The following STYK1 variants were observed in gnomAD, a reference collection of about 807,000 sequenced individuals.
STYK1 encodes the protein STY kinase 1, also known as tyrosine-protein kinase STYK1.
In STYK1, 46 loss-of-function variants were observed where a neutral mutation model predicts 48.1. That is an observed-to-expected ratio of 0.96 (90% confidence interval 0.75 to 1.22). The LOEUF (loss-of-function observed/expected upper bound fraction) is 1.22. Ranked by LOEUF, STYK1 falls within the 50% of genes most tolerant of loss-of-function variation. STYK1 has a pLI of 0.00. For synonymous variants in STYK1, 188 were observed against 189.0 expected, an observed-to-expected ratio of 0.99 and a Z score of 0.04; for missense variants, 527 against 521.1, an observed-to-expected ratio of 1.01 and a Z score of -0.11.
chr12:10,623,741 A>G (rs1947325744), intron 8 of STYK1, among the ~76,000 whole-genome samples: 1 of 152,196 alleles, frequency 6.6e-6, no homozygotes, highest in Non-Finnish European at 1.5e-5. Context: ...CTGCAGTCAA[A>G]CAATTTCACA....
At chr12:10,658,291 G>A (rs1024378292) in intron 1 of STYK1, among the ~76,000 whole-genome samples, 4 of 152,038 alleles carry the variant, frequency 2.6e-5, no homozygotes, top group Non-Finnish European at 4.4e-5. Context: ...TTAAGAATTG[G>A]GATTGACATT....
chr12:10,638,446 C>A (rs772425562), intron 1 of STYK1, among the ~76,000 whole-genome samples: 5 of 152,120 alleles, frequency 3.3e-5, no homozygotes, highest in Non-Finnish European at 5.9e-5. Context: ...GAGTAAAGTC[C>A]ATGCTAAATC....
chr12:10,646,907 T>C (rs1947606057), intron 1 of STYK1, among the ~76,000 whole-genome samples: 1 of 152,162 alleles, frequency 6.6e-6, no homozygotes. Context: ...GCAGCTTCCA[T>C]GTGGTGTTGA....
chr12:10,649,344 G>A (rs1350678803), intron 1 of STYK1, among the ~76,000 whole-genome samples: 1 of 152,170 alleles, frequency 6.6e-6, no homozygotes, highest in Non-Finnish European at 1.5e-5. Flanking sequence ...TTCATCAAAA[G>A]GAGGGATGTT....
chr12:10,623,923 A>G (rs1358888012), intron 8 of STYK1, among the ~76,000 whole-genome samples: 1 of 152,170 alleles, frequency 6.6e-6, no homozygotes, highest in African/African-American at 2.4e-5. Flanking sequence ...AAAAAAACAG[A>G]TAATGTACAT....
intron 2 of STYK1, among the ~76,000 whole-genome samples, chr12:10,635,857 T>C (rs1260959240): frequency 6.6e-6 from 1 of 152,208 alleles, no homozygotes; most frequent in Non-Finnish European, 1.5e-5. Flanking sequence ...CACTGTCCCA[T>C]ACCTCTCCTA....
In STYK1 at chr12:10,673,353, A is replaced by G. The variant is rs182022052; in HGVS notation, c.-195+613T>C. On this transcript the variant is annotated intron_variant, in intron 1 of 10. Transcript: ENST00000075503. ...GATCGCGCCATTGCACTCCAGCCTG[A>G]GTGACAGAGCAAGACTCCCTCCCCC... 1.4e-4 allele frequency among the ~76,000 whole-genome samples: 22 copies of G among 152,104 alleles called. No homozygotes were observed. In the South Asian group the frequency reaches 2.3e-3, roughly 16 times the overall value.
intron 1 of STYK1, among the ~76,000 whole-genome samples, chr12:10,665,240 C>T (rs1292652493): frequency 6.6e-6 from 1 of 152,224 alleles, no homozygotes; most frequent in Non-Finnish European, 1.5e-5. Flanking sequence ...GATCACACCT[C>T]CCTGTTACAG....
At chr12:10,631,345 G>A (rs757556967) in intron 4 of STYK1, 37 bp from the exon 5 acceptor site, 31 of 1,598,442 alleles carry the variant, frequency 1.9e-5, no homozygotes, top group South Asian at 6.7e-5. Flanking sequence ...GTTTTTCCCC[G>A]CCCTGGGGAT....
chr12:10,645,794 G>A (rs1269223554), intron 1 of STYK1, among the ~76,000 whole-genome samples: 3 of 152,162 alleles, frequency 2.0e-5, no homozygotes, highest in Non-Finnish European at 4.4e-5. Context: ...ATTCCCATAT[G>A]TTGTGGGAGG....
intron 1 of STYK1, among the ~76,000 whole-genome samples, chr12:10,637,840 A>G (rs1211041606): frequency 6.6e-6 from 1 of 152,072 alleles, no homozygotes; most frequent in African/African-American, 2.4e-5. Context: ...TTGCCTGTCC[A>G]CTCTGTCAAG....
chr12:10,637,423 C>T (rs1947498524), intron 1 of STYK1, among the ~76,000 whole-genome samples: 1 of 151,138 alleles, frequency 6.6e-6, no homozygotes, highest in South Asian at 2.1e-4. Context: ...CTGCAAGCTC[C>T]ACCTCCCAGG....
intron 4 of STYK1, 48 bp from the exon 5 acceptor site, chr12:10,631,356 C>A: frequency 6.3e-7 from 1 of 1,593,858 alleles, no homozygotes; most frequent in South Asian, 1.1e-5. Context: ...CCCTGGGGAT[C>A]CCGGAAAGCA....
At chr12:10,633,292 A>G (rs1242191149) in intron 4 of STYK1, among the ~76,000 whole-genome samples, 2 of 152,330 alleles carry the variant, frequency 1.3e-5, no homozygotes, top group East Asian at 3.9e-4. Context: ...AGTGTGTTCA[A>G]AAGAGAATGT....
intron 1 of STYK1, among the ~76,000 whole-genome samples, chr12:10,640,947 T>C (rs1403494823): frequency 1.3e-5 from 2 of 152,234 alleles, no homozygotes; most frequent in South Asian, 2.1e-4. Context: ...TGAGGTATTA[T>C]ACAAATTCAA....
chr12:10,632,694 G>C (rs1947443257), intron 4 of STYK1, among the ~76,000 whole-genome samples: 1 of 152,210 alleles, frequency 6.6e-6, no homozygotes, highest in Non-Finnish European at 1.5e-5. Context: ...GTGTTGCAGT[G>C]ATCAGTGAGA....
At chr12:10,648,041 TATG>T (rs1947620265) in intron 1 of STYK1, among the ~76,000 whole-genome samples, 1 of 152,158 alleles carries the variant, frequency 6.6e-6, no homozygotes, top group African/African-American at 2.4e-5. Context: ...TCTTAGAGAT[TATG>T]ATGATTATAA....
chr12:10,633,958 G>A (rs746562628), intron 4 of STYK1, 32 bp downstream of exon 4: 37 of 1,607,490 alleles, frequency 2.3e-5, no homozygotes, highest in Middle Eastern at 1.7e-4. Flanking sequence ...TCTTCTTTAA[G>A]CCCCTGCCCA....
At chr12:10,638,739 C>T (rs779869982) in intron 1 of STYK1, among the ~76,000 whole-genome samples, 46 of 152,286 alleles carry the variant, frequency 3.0e-4, no homozygotes, top group Non-Finnish European at 6.3e-4. Flanking sequence ...CAAAATATAC[C>T]TAGATATAAG....
Sources: gnomAD v4.1 joint callset for allele counts (sites outside exome capture counted in the v4.1 genomes callset) on GRCh38, gnomAD v4.1.1 for gene constraint, MANE v1.5 for transcripts, NCBI Gene and HGNC (gene_info 2026-07-23, HGNC 2026-07-21) for gene names.